The following MYL4 variants were observed in gnomAD, a reference collection of about 807,000 sequenced individuals.
MYL4 encodes the protein myosin light chain 4.
MYL4 carries 16 observed loss-of-function variants against 21.6 expected under a neutral mutation model. That is an observed-to-expected ratio of 0.74 (90% CI 0.50 to 1.12). The LOEUF (loss-of-function observed/expected upper bound fraction) is 1.12, where lower values mean the gene tolerates loss of function less well. Ranked by LOEUF, MYL4 falls within the 50% of genes most tolerant of loss-of-function variation. The probability of loss-of-function intolerance (pLI) is 0.00; values close to 1 mark genes in which losing one functional copy is unlikely to be tolerated. For synonymous variants in MYL4, 82 were observed against 95.7 expected, an observed-to-expected ratio of 0.86 and a Z score of 0.83; for missense variants, 249 against 252.9, an observed-to-expected ratio of 0.98 and a Z score of 0.11.
intron 3 of MYL4, among the ~76,000 whole-genome samples, chr17:47,220,588 T>TTGGTGAGTGAGTGTTTAGAA (rs2064848503): frequency 6.6e-6 from 1 of 152,212 alleles, no homozygotes; most frequent in Non-Finnish European, 1.5e-5. Flanking sequence ...TCAATAGGTT[T>TTGGTGAGTGAGTGTTTAGAA]TGGTGAGTGA....
upstream of MYL4, among the ~76,000 whole-genome samples, chr17:47,206,766 G>A (rs1023959386): frequency 2.0e-5 from 3 of 152,238 alleles, no homozygotes; most frequent in Non-Finnish European, 1.5e-5. Flanking sequence ...GAGGCCCAGA[G>A]AGAGGAAGTG....
Position 47,222,920 on chromosome 17 carries a change from G to A in MYL4, c.566-94G>A. 4.1e-6 allele frequency: 6 copies of A among 1,456,598 alleles called. No individual in the cohort carries two copies. In the South Asian group the frequency reaches 5.7e-5, roughly 14 times the overall value. The allele number at this position is 1,456,598 out of a possible 1,614,324, so 90.2% of individuals were successfully genotyped here. Reference sequence around the variant, plus strand: ...ACAGTCTGGAGAAAGGGGAGCAGGAGGGTTAGAAGTCAGGCAGTGTAGAGA... The same window carrying A: ...ACAGTCTGGAGAAAGGGGAGCAGGAAGGTTAGAAGTCAGGCAGTGTAGAGA... On this transcript the variant is annotated intron_variant, in intron 5 of 6. Transcript: ENST00000393450.
chr17:47,220,209 T>C (rs2064845513), intron 3 of MYL4, among the ~76,000 whole-genome samples, 156 bp downstream of exon 3: 2 of 152,226 alleles, frequency 1.3e-5, no homozygotes, highest in South Asian at 4.1e-4. Flanking sequence ...TAGTCCCATT[T>C]TGAGAATTTA....
downstream of MYL4, among the ~76,000 whole-genome samples, chr17:47,224,083 A>T (rs1389766644): frequency 6.6e-6 from 1 of 152,220 alleles, no homozygotes; most frequent in Non-Finnish European, 1.5e-5. Context: ...TTACCATCTT[A>T]ACCATTTTTA....
intron 2 of MYL4, 34 bp from the exon 3 acceptor site, chr17:47,219,870 G>T (rs1190086304): frequency 1.2e-6 from 2 of 1,613,884 alleles, no homozygotes; most frequent in Admixed American, 1.7e-5. Context: ...CTTCACTGGG[G>T]ATTGGAAGGT....
At chr17:47,225,671 A>G (rs1472804901), downstream of MYL4, among the ~76,000 whole-genome samples, 1 of 151,940 alleles carries the variant, frequency 6.6e-6, no homozygotes. Flanking sequence ...TCAACACACC[A>G]TTTTCAACCT....
upstream of MYL4, among the ~76,000 whole-genome samples, chr17:47,208,563 AC>A (rs2064746751): frequency 6.6e-6 from 1 of 151,404 alleles, no homozygotes; most frequent in Non-Finnish European, 1.5e-5. Context: ...ACACACACAC[AC>A]ACACACACAC....
chr17:47,203,289 A>G (rs1034804018), intron 1 of MYL4, among the ~76,000 whole-genome samples: 2 of 152,180 alleles, frequency 1.3e-5, no homozygotes, highest in Admixed American at 6.5e-5. Context: ...AATTAAATGT[A>G]AACGTACTAT....
chr17:47,198,073 G>T (rs1247482567), upstream of MYL4, among the ~76,000 whole-genome samples: 2 of 152,194 alleles, frequency 1.3e-5, no homozygotes, highest in African/African-American at 4.8e-5. Context: ...TATGCTAACA[G>T]CTGAGGATTA....
At chr17:47,205,218 G>A (rs2064723074), upstream of MYL4, among the ~76,000 whole-genome samples, 1 of 152,234 alleles carries the variant, frequency 6.6e-6, no homozygotes, top group Admixed American at 6.5e-5. Context: ...CCTCATGGGA[G>A]CATTTGGGTG....
upstream of MYL4, among the ~76,000 whole-genome samples, chr17:47,196,119 G>T (rs1232996739): frequency 6.6e-6 from 1 of 152,164 alleles, no homozygotes; most frequent in African/African-American, 2.4e-5. Context: ...ATTTGGACAT[G>T]GGGTCTCTAA....
intron 1 of MYL4, among the ~76,000 whole-genome samples, chr17:47,201,150 C>A (rs191074240): frequency 4.4e-4 from 67 of 152,316 alleles, no homozygotes; most frequent in Non-Finnish European, 7.6e-4. Flanking sequence ...GCCTGGGTGA[C>A]AGAGTGAGAC....
chr17:47,221,248 T>C (rs957512728), intron 3 of MYL4, among the ~76,000 whole-genome samples: 1 of 152,174 alleles, frequency 6.6e-6, no homozygotes, highest in African/African-American at 2.4e-5. Context: ...ATGCAAACGT[T>C]GCTTTTTTCA....
At chr17:47,218,682 G>A (rs995033893) in intron 2 of MYL4, among the ~76,000 whole-genome samples, 3 of 152,194 alleles carry the variant, frequency 2.0e-5, no homozygotes, top group African/African-American at 7.2e-5. Flanking sequence ...CAGCTACTCG[G>A]AGGCTGAGGC....
intron 1 of MYL4, among the ~76,000 whole-genome samples, chr17:47,200,958 G>A (rs1041144699): frequency 6.6e-6 from 1 of 152,178 alleles, no homozygotes; most frequent in Admixed American, 6.5e-5. Context: ...GATCACTTGA[G>A]GTCAGGAGTT....
upstream of MYL4, among the ~76,000 whole-genome samples, chr17:47,205,973 G>A (rs1032365257): frequency 6.6e-6 from 1 of 152,158 alleles, no homozygotes; most frequent in Non-Finnish European, 1.5e-5. Flanking sequence ...AAGCCTGAAT[G>A]CACCTCTAGC....
At chr17:47,197,163 A>G (rs1352095102), upstream of MYL4, among the ~76,000 whole-genome samples, 1 of 137,884 alleles carries the variant, frequency 7.3e-6, no homozygotes, top group African/African-American at 2.8e-5. Flanking sequence ...CAGTGGCGCT[A>G]TCTCGGCTCA....
intron 2 of MYL4, among the ~76,000 whole-genome samples, chr17:47,217,701 A>G (rs67305320): frequency 0.11 from 16,724 of 152,192 alleles, 1,376 homozygotes; most frequent in East Asian, 0.48. Context: ...TACCTAGTAT[A>G]TTTACATACA....
At chr17:47,200,032 C>T (rs972907043), upstream of MYL4, among the ~76,000 whole-genome samples, 8 of 150,960 alleles carry the variant, frequency 5.3e-5, no homozygotes, top group African/African-American at 1.5e-4. Flanking sequence ...TGAGCCACCA[C>T]GCCTGGCCTC....
Sources: allele counts gnomAD v4.1 joint callset (sites outside exome capture counted in the v4.1 genomes callset), GRCh38; gene constraint gnomAD v4.1.1; transcripts MANE v1.5; gene names NCBI Gene and HGNC (gene_info 2026-07-23, HGNC 2026-07-21).